LRP6: variants seen among roughly 807,000 people sequenced by gnomAD.
LRP6 encodes LDL receptor related protein 6.
A neutral mutation model predicts 184.1 loss-of-function variants in LRP6; 43 were observed. That is an observed-to-expected ratio of 0.23 (90% CI 0.18 to 0.30). LRP6 has a LOEUF of 0.30. Ranked by LOEUF, LRP6 falls within the 10% of genes least tolerant of loss-of-function variation. The pLI is 1.00. For synonymous variants in LRP6, 719 were observed against 684.9 expected, an observed-to-expected ratio of 1.05 and a Z score of -0.78; for missense variants, 1,571 against 2,005.3, an observed-to-expected ratio of 0.78 and a Z score of 4.14.
At chr12:12,130,961 A>C in intron 18 of LRP6, 68 bp from the exon 19 acceptor site, 1 of 843,592 alleles carries the variant, frequency 1.2e-6, no homozygotes, top group Admixed American at 1.9e-5. Flanking sequence ...GGCAAGAATC[A>C]AAAGGTGCCT....
intron 13 of LRP6, among the ~76,000 whole-genome samples, chr12:12,150,491 T>C (rs1035955531): frequency 5.9e-5 from 9 of 152,192 alleles, no homozygotes; most frequent in Admixed American, 4.6e-4. Context: ...AAGTGAGGGA[T>C]AGAGCTGGAA....
intron 1 of LRP6, among the ~76,000 whole-genome samples, chr12:12,266,159 T>A (rs962159996): frequency 6.6e-6 from 1 of 152,138 alleles, no homozygotes; most frequent in Non-Finnish European, 1.5e-5. Context: ...AGGGTCATTA[T>A]ATCCCAAACG....
At chr12:12,166,694 T>A (rs1862886381) in intron 7 of LRP6, among the ~76,000 whole-genome samples, 1 of 152,232 alleles carries the variant, frequency 6.6e-6, no homozygotes, top group Non-Finnish European at 1.5e-5. Context: ...TTTCTACTTC[T>A]ATTATGAGAT....
rs997459645 is a variant in LRP6 at position 12,246,740 on chromosome 12, G to A, written c.56-2085C>T. Among the ~76,000 whole-genome samples the A allele has an allele frequency of 6.6e-5, 10 of 151,646 alleles. No homozygotes were observed. In the East Asian group the frequency reaches 1.2e-3, roughly 18 times the overall value. On this transcript the variant is annotated intron_variant, in intron 1 of 22. Transcript: ENST00000261349. ...ATCTTCTTTCATAATTACTTACTAA[G>A]GGTCTACAACTGTGTCATCTGAAGC...
At chr12:12,185,116 T>C (rs2137000342) in intron 4 of LRP6, among the ~76,000 whole-genome samples, 1 of 152,118 alleles carries the variant, frequency 6.6e-6, no homozygotes, top group Non-Finnish European at 1.5e-5. Flanking sequence ...GTCACCAACA[T>C]GGTGAGACCC....
At chr12:12,226,131 G>C (rs538062508) in intron 2 of LRP6, among the ~76,000 whole-genome samples, 1 of 152,306 alleles carries the variant, frequency 6.6e-6, no homozygotes, top group East Asian at 1.9e-4. Context: ...AGAAGCACTT[G>C]TGAAGCTCAC....
chr12:12,201,968 T>C (rs1043373256), intron 3 of LRP6, among the ~76,000 whole-genome samples: 1 of 152,210 alleles, frequency 6.6e-6, no homozygotes, highest in Non-Finnish European at 1.5e-5. Flanking sequence ...GTTCAGGTAA[T>C]TGACAAATGT....
chr12:12,119,051 C>A lies in LRP6; in HGVS notation c.*2075G>T, dbSNP rs1949557457. 6.6e-6 allele frequency: 1 copy of A among 152,208 alleles called. No individual in the cohort carries two copies. Among genetic ancestry groups the A allele is most frequent in the African/African-American group, 2.4e-5 (1 of 41,446 alleles). The allele number at this position is 152,208 out of a possible 1,614,324, so 9.4% of individuals were successfully genotyped here. On this transcript the variant is annotated 3_prime_UTR_variant, in exon 23 of 23. Transcript: ENST00000261349. ...GTATCACAGAATCCAAGTTCAATGT[C>A]CATTTTGTCTGACACTGTGGGCACT...
chr12:12,164,969 T>TAAAAAAA (rs1862839931), intron 8 of LRP6, 110 bp downstream of exon 8: 1 of 385,244 alleles, frequency 2.6e-6, no homozygotes, highest in Non-Finnish European at 4.8e-6. Context: ...GGGGGGGCAG[T>TAAAAAAA]AAAGAAGGTT....
At chr12:12,169,213 G>A (rs1862965711) in intron 7 of LRP6, among the ~76,000 whole-genome samples, 2 of 150,766 alleles carry the variant, frequency 1.3e-5, no homozygotes, top group South Asian at 4.2e-4. Context: ...TGGGCAACAA[G>A]AGCAAACTCT....
chr12:12,210,345 T>TAATATGGAATTAA, intron 2 of LRP6, among the ~76,000 whole-genome samples: 1 of 152,324 alleles, frequency 6.6e-6, no homozygotes, highest in Middle Eastern at 3.4e-3. Context: ...TCATTCAACA[T>TAATATGGAATTAA]AATATGGAAT....
chr12:12,208,423 G>A (rs769384337), intron 2 of LRP6, among the ~76,000 whole-genome samples: 4 of 152,140 alleles, frequency 2.6e-5, no homozygotes, highest in Admixed American at 6.5e-5. Context: ...TGCTTAAAAC[G>A]TGAATAAGAA....
chr12:12,173,414 C>T (rs1863096284), intron 7 of LRP6, among the ~76,000 whole-genome samples: 1 of 152,206 alleles, frequency 6.6e-6, no homozygotes, highest in South Asian at 2.1e-4. Context: ...ATGATCTCAG[C>T]TCGCTGCAAC....
At chr12:12,245,462 G>T (rs1428274395) in intron 1 of LRP6, among the ~76,000 whole-genome samples, 1 of 152,098 alleles carries the variant, frequency 6.6e-6, no homozygotes, top group Non-Finnish European at 1.5e-5. Context: ...TTAAAAATGG[G>T]CATGAGCAAA....
At chr12:12,148,830 A>G in intron 14 of LRP6, 112 bp downstream of exon 14, 1 of 817,266 alleles carries the variant, frequency 1.2e-6, no homozygotes. Context: ...GAGAATATTG[A>G]ATTGTTTGCT....
chr12:12,125,523 A>C, intron 20 of LRP6, 91 bp from the exon 21 acceptor site: 10 of 1,118,080 alleles, frequency 8.9e-6, no homozygotes, highest in Non-Finnish European at 1.3e-5. Context: ...TACAAATATC[A>C]ACAGTGAAGT....
At chr12:12,253,247 C>A (rs1441001066) in intron 1 of LRP6, among the ~76,000 whole-genome samples, 1 of 152,084 alleles carries the variant, frequency 6.6e-6, no homozygotes, top group African/African-American at 2.4e-5. Context: ...CTGGGCAACA[C>A]AGCGAGACTC....
At chr12:12,148,849 G>A in intron 14 of LRP6, 93 bp downstream of exon 14, 1 of 890,816 alleles carries the variant, frequency 1.1e-6, no homozygotes. Context: ...CTGGAGCACA[G>A]GACACTTAAA....
intron 7 of LRP6, among the ~76,000 whole-genome samples, 198 bp from the exon 8 acceptor site, chr12:12,165,493 T>C (rs1862856655): frequency 2.6e-5 from 4 of 152,044 alleles, no homozygotes; most frequent in East Asian, 1.9e-4. Flanking sequence ...TGACCACTTT[T>C]CCCCCCAATC....
Sources: gnomAD v4.1 joint callset for allele counts (sites outside exome capture counted in the v4.1 genomes callset) on GRCh38, gnomAD v4.1.1 for gene constraint, MANE v1.5 for transcripts, NCBI Gene and HGNC (gene_info 2026-07-23, HGNC 2026-07-21) for gene names.